The following MARK2 variants were observed in gnomAD, a reference collection of about 807,000 sequenced individuals.
MARK2 encodes the protein microtubule affinity regulating kinase 2.
In MARK2, 16 loss-of-function variants were observed where a neutral mutation model predicts 89.8. That is an observed-to-expected ratio of 0.18 (90% CI 0.12 to 0.27). The LOEUF (loss-of-function observed/expected upper bound fraction) is 0.27, where lower values mean the gene tolerates loss of function less well. Ranked by LOEUF, MARK2 falls within the 10% of genes least tolerant of loss-of-function variation. The probability of loss-of-function intolerance (pLI) is 1.00; values close to 1 mark genes in which losing one functional copy is unlikely to be tolerated. For missense variants in MARK2, 621 were observed against 1,049.9 expected, an observed-to-expected ratio of 0.59 and a Z score of 5.65; for synonymous variants, 382 against 399.5, an observed-to-expected ratio of 0.96 and a Z score of 0.52.
At position 63,895,652 on chromosome 11, in the gene MARK2, C is replaced by T; in HGVS notation, c.288+19C>T. Reference sequence around the variant, plus strand: ...CCAGAAAGTAAGCACATGGCACCTCCTGTCCCTTTTTTTTTTTTTTTTTTT... The same window carrying T: ...CCAGAAAGTAAGCACATGGCACCTCTTGTCCCTTTTTTTTTTTTTTTTTTT... On this transcript the variant is annotated intron_variant, in intron 3 of 18. Transcript: ENST00000402010. 2 of 1,520,082 alleles carry T rather than the reference C, an allele frequency of 1.3e-6. No individual in the cohort carries two copies. Among genetic ancestry groups the T allele is most frequent in the Non-Finnish European group, 1.8e-6 (2 of 1,110,310 alleles). The allele number at this position is 1,520,082 out of a possible 1,614,324, so 94.2% of individuals were successfully genotyped here. A position where few individuals can be genotyped will look rare whatever the true frequency, so the allele number is the denominator to read the frequency against.
chr11:63,888,707 T>G, intron 1 of MARK2: 1 of 1,190,714 alleles, frequency 8.4e-7, no homozygotes, highest in South Asian at 1.5e-5. Context: ...TCTCTGCTAG[T>G]GGTGGTTTCG....
At chr11:63,898,122 C>A (rs1188747294) in intron 3 of MARK2, 110 bp from the exon 4 acceptor site, 3 of 869,554 alleles carry the variant, frequency 3.5e-6, no homozygotes, top group Non-Finnish European at 5.7e-6. Flanking sequence ...ATTTTCTTTT[C>A]CCTGCCCGGT....
At chr11:63,861,647 CT>C (rs905946174) in intron 1 of MARK2, among the ~76,000 whole-genome samples, 15 of 151,636 alleles carry the variant, frequency 9.9e-5, no homozygotes, top group Admixed American at 3.9e-4. Flanking sequence ...GGCTGTGTAT[CT>C]TTAGCTACAG....
intron 1 of MARK2, among the ~76,000 whole-genome samples, chr11:63,843,291 C>A (rs939143573): frequency 6.6e-6 from 1 of 152,182 alleles, no homozygotes; most frequent in Non-Finnish European, 1.5e-5. Context: ...GGAGAAAGGT[C>A]CAGCTTCCAG....
chr11:63,896,007 G>C (rs1940368635), intron 3 of MARK2, among the ~76,000 whole-genome samples: 1 of 152,154 alleles, frequency 6.6e-6, no homozygotes, highest in East Asian at 1.9e-4. Flanking sequence ...TGGGGTCAAT[G>C]ATCTACTGAC....
chr11:63,853,005 CGAAT>C (rs1300672841), intron 1 of MARK2, among the ~76,000 whole-genome samples: 3 of 152,190 alleles, frequency 2.0e-5, no homozygotes, highest in Non-Finnish European at 4.4e-5. Context: ...AACTGAGAGA[CGAAT>C]GAAGTCTTGA....
intron 1 of MARK2, among the ~76,000 whole-genome samples, chr11:63,883,235 C>T (rs536866840): frequency 4.0e-4 from 61 of 152,306 alleles, no homozygotes; most frequent in African/African-American, 1.5e-3. Flanking sequence ...TCGTCATCCT[C>T]TGGGCCACAC....
At chr11:63,890,318 A>G in intron 1 of MARK2, 1 of 1,321,384 alleles carries the variant, frequency 7.6e-7, no homozygotes, top group Non-Finnish European at 1.0e-6. Context: ...AGGATTGAGC[A>G]CTTGGAGTCC....
At chr11:63,888,592 C>G (rs1054911301) in intron 1 of MARK2, 53 of 1,107,558 alleles carry the variant, frequency 4.8e-5, no homozygotes, top group Non-Finnish European at 5.7e-5. Flanking sequence ...CACCTTGCTT[C>G]TGGTGTGCTG....
At position 63,898,744 on chromosome 11, in the gene MARK2, C is replaced by G; in HGVS notation, c.404-19C>G. 6.2e-7 allele frequency: 1 copy of G among 1,613,086 alleles called. No individual in the cohort carries two copies. The highest frequency in any genetic ancestry group is 8.5e-7 in the Non-Finnish European group (1 of 1,179,044). On this transcript the variant is annotated intron_variant, in intron 5 of 18. Coordinates refer to ENST00000402010, the MANE Select transcript of MARK2 (RefSeq NM_001039469.3). ...CCTCCAGCCAGCTCTGACTGAGATC[C>G]CTGCCTGGTCTCTTACAGGAGAGGT...
intron 1 of MARK2, 85 bp downstream of exon 1, chr11:63,839,645 G>T (rs940673234): frequency 1.4e-5 from 12 of 848,320 alleles, no homozygotes; most frequent in Non-Finnish European, 2.0e-5. Context: ...CTCTCCTCGT[G>T]CCCCTGCTGC....
chr11:63,895,030 A>G, intron 1 of MARK2, 129 bp from the exon 2 acceptor site: 2 of 666,962 alleles, frequency 3.0e-6, no homozygotes, highest in South Asian at 3.8e-5. Context: ...CTGCTGCCAT[A>G]TCATTCTTCA....
chr11:63,883,484 A>G (rs990539317), intron 1 of MARK2, among the ~76,000 whole-genome samples: 1 of 152,204 alleles, frequency 6.6e-6, no homozygotes, highest in African/African-American at 2.4e-5. Flanking sequence ...AGGGGAAACA[A>G]TGGTTCCTAC....
chr11:63,843,806 G>A (rs1399525833), intron 1 of MARK2, among the ~76,000 whole-genome samples: 1 of 152,066 alleles, frequency 6.6e-6, no homozygotes, highest in Non-Finnish European at 1.5e-5. Context: ...TGTATTTTTA[G>A]TAGAGACGGG....
intron 1 of MARK2, among the ~76,000 whole-genome samples, chr11:63,854,547 T>C (rs1404513763): frequency 2.0e-5 from 3 of 151,600 alleles, no homozygotes; most frequent in Non-Finnish European, 4.4e-5. Context: ...AATAAAGGTC[T>C]CTTTAGGCCA....
At chr11:63,899,181 C>A in intron 7 of MARK2, 73 bp downstream of exon 7, 1 of 874,562 alleles carries the variant, frequency 1.1e-6, no homozygotes, top group Non-Finnish European at 1.9e-6. Flanking sequence ...CATGATAAAA[C>A]CATCAATAAC....
intron 1 of MARK2, among the ~76,000 whole-genome samples, chr11:63,860,347 A>G (rs1295870803): frequency 5.7e-5 from 8 of 139,960 alleles, no homozygotes; most frequent in Admixed American, 5.7e-4. Flanking sequence ...AGGTCAGGAG[A>G]TCGAGACCAT....
intron 1 of MARK2, among the ~76,000 whole-genome samples, chr11:63,855,523 A>G (rs2016794563): frequency 6.6e-6 from 1 of 150,994 alleles, no homozygotes; most frequent in Admixed American, 6.6e-5. Context: ...CCTTATTTCA[A>G]AAACAAAAAA....
intron 1 of MARK2, among the ~76,000 whole-genome samples, chr11:63,890,004 C>A (rs1939703677): frequency 6.6e-6 from 1 of 152,194 alleles, no homozygotes; most frequent in African/African-American, 2.4e-5. Flanking sequence ...AGCCTGCCAT[C>A]CTGTTGGTGA....
Sources: allele counts gnomAD v4.1 joint callset (sites outside exome capture counted in the v4.1 genomes callset), GRCh38; gene constraint gnomAD v4.1.1; transcripts MANE v1.5; gene names NCBI Gene and HGNC (gene_info 2026-07-23, HGNC 2026-07-21).